DDHD2: variants seen among roughly 807,000 people sequenced by gnomAD.
DDHD2 encodes the protein DDHD domain containing 2.
DDHD2 carries 62 observed loss-of-function variants against 91.2 expected under a neutral mutation model. That is an observed-to-expected ratio of 0.68 (90% confidence interval 0.55 to 0.84). DDHD2 has a LOEUF of 0.84. Ranked by LOEUF, DDHD2 falls within the 40% of genes least tolerant of loss-of-function variation. The pLI, the probability that DDHD2 is intolerant of heterozygous loss-of-function variation, is 0.00. For synonymous variants in DDHD2, 271 were observed against 293.9 expected (o/e 0.92, Z 0.80); for missense variants, 740 against 846.9 (o/e 0.87, Z 1.57).
chr8:38,243,124 G>A (rs1805372606), intron 7 of DDHD2, among the ~76,000 whole-genome samples: 1 of 152,132 alleles, frequency 6.6e-6, no homozygotes. Context: ...GGTGGGGTCC[G>A]GATTCTTCAA....
chr8:38,253,230 G>A, intron 15 of DDHD2, 103 bp downstream of exon 15: 1 of 1,191,842 alleles, frequency 8.4e-7, no homozygotes, highest in Middle Eastern at 2.5e-4. Flanking sequence ...TAATTTCATA[G>A]TTAATATTGC....
downstream of DDHD2, chr8:38,272,406 G>A (rs1435371864): frequency 6.6e-6 from 1 of 152,224 alleles, no homozygotes; most frequent in African/African-American, 2.4e-5. Context: ...ACATTAAAGA[G>A]GTGAATCACT....
chr8:38,245,626 T>C (rs1040450615), intron 7 of DDHD2, 116 bp from the exon 8 acceptor site: 1 of 967,842 alleles, frequency 1.0e-6, no homozygotes. Context: ...CTTTTTGTTT[T>C]TTCCTATAAA....
chr8:38,269,296 G>A, intron 1 of DDHD2: 2 of 1,234,646 alleles, frequency 1.6e-6, no homozygotes, highest in Non-Finnish European at 2.1e-6. Flanking sequence ...CCAGTTGCCC[G>A]CGCTCCGGCG....
At chr8:38,242,111 G>A in intron 6 of DDHD2, 139 bp from the exon 7 acceptor site, 1 of 674,362 alleles carries the variant, frequency 1.5e-6, no homozygotes, top group South Asian at 2.4e-5. Context: ...AATTTTTCCT[G>A]AATACCACTT....
intron 10 of DDHD2, among the ~76,000 whole-genome samples, chr8:38,248,422 C>G (rs964451897): frequency 6.8e-6 from 1 of 147,552 alleles, no homozygotes; most frequent in African/African-American, 2.5e-5. Flanking sequence ...GTTTGTGATA[C>G]ATTCACTCAT....
At chr8:38,263,306 A>G, downstream of DDHD2, 1 of 824,020 alleles carries the variant, frequency 1.2e-6, no homozygotes, top group Non-Finnish European at 1.5e-6. Context: ...TCCATTGTGA[A>G]GAAGGGGCAG....
chr8:38,236,539 G>A (rs1804770463), intron 3 of DDHD2, among the ~76,000 whole-genome samples: 2 of 149,292 alleles, frequency 1.3e-5, no homozygotes, highest in Admixed American at 6.7e-5. Context: ...TTTTGAGACG[G>A]AGTTCCACTC....
At position 38,238,538 on chromosome 8, in the gene DDHD2, T is replaced by C. The variant is rs573317514; in HGVS notation, c.622+329T>C. ...ATTTATACCTGGTAATAACTCCTTGTCCTTGAAGATTTTCAACTAAGGAAA... is the reference window on the plus strand; with the variant it reads ...ATTTATACCTGGTAATAACTCCTTGCCCTTGAAGATTTTCAACTAAGGAAA... On this transcript the variant is annotated intron_variant, in intron 5 of 17. Transcript: ENST00000397166. 7 of 1,058,110 alleles carry C rather than the reference T, an allele frequency of 6.6e-6. No homozygotes were observed. In the South Asian group the frequency reaches 2.2e-4, roughly 33 times the overall value. The allele number at this position is 1,058,110 out of a possible 1,614,324, so 65.5% of individuals were successfully genotyped here. A position where few individuals can be genotyped will look rare whatever the true frequency, so the allele number is the denominator to read the frequency against.
intron 10 of DDHD2, 57 bp from the exon 11 acceptor site, chr8:38,249,651 G>C: frequency 7.9e-7 from 1 of 1,272,904 alleles, no homozygotes; most frequent in Middle Eastern, 2.6e-4. Flanking sequence ...CCTCTTAGGG[G>C]ACAGGATTGA....
intron 16 of DDHD2, among the ~76,000 whole-genome samples, chr8:38,257,986 A>T (rs1032469805): frequency 1.8e-4 from 27 of 151,680 alleles, no homozygotes; most frequent in Non-Finnish European, 2.9e-4. Flanking sequence ...TATATATATA[A>T]TTTTTTTTAG....
At chr8:38,234,644 T>C in intron 3 of DDHD2, 60 bp downstream of exon 3, 1 of 1,379,416 alleles carries the variant, frequency 7.2e-7, no homozygotes, top group Middle Eastern at 2.1e-4. Flanking sequence ...AATCTTTTCT[T>C]TCCTTTGTAA....
At chr8:38,252,573 T>C in intron 13 of DDHD2, 149 bp from the exon 14 acceptor site, 1 of 683,936 alleles carries the variant, frequency 1.5e-6, no homozygotes, top group Non-Finnish European at 2.4e-6. Flanking sequence ...GCCTAGGAGT[T>C]GAAGGCTACA....
intron 7 of DDHD2, among the ~76,000 whole-genome samples, chr8:38,243,221 G>T (rs964224049): frequency 1.3e-5 from 2 of 152,142 alleles, no homozygotes; most frequent in African/African-American, 2.4e-5. Flanking sequence ...ATCTTTCTGG[G>T]AATTTTAAGA....
chr8:38,266,459 G>A, downstream of DDHD2: 1 of 743,960 alleles, frequency 1.3e-6, no homozygotes, highest in Non-Finnish European at 2.1e-6. Context: ...GGAGTGCAGT[G>A]GCACCATCTC....
Position 38,261,370 on chromosome 8 carries a change from C to G in DDHD2, c.*797C>G, listed in dbSNP as rs746112497. 2.0e-5 allele frequency: 3 copies of G among 152,158 alleles called. No homozygotes were observed. Among genetic ancestry groups the G allele is most frequent in the Non-Finnish European group, 2.9e-5 (2 of 68,040 alleles). 9.4% of individuals were successfully genotyped at this position (152,158 alleles called of 1,614,324 possible). ...TATTTGCTAATAGCTTCTATTCTTA[C>G]GTTGAAAATAGTTGTAAAAGCTGAT... On this transcript the variant is annotated 3_prime_UTR_variant, in exon 18 of 18. Coordinates refer to ENST00000397166, the MANE Select transcript of DDHD2 (RefSeq NM_015214.3).
chr8:38,269,100 C>G (rs1277226314), intron 1 of DDHD2: 2 of 1,525,778 alleles, frequency 1.3e-6, no homozygotes, highest in Non-Finnish European at 8.8e-7. Flanking sequence ...CGGGGCCGCC[C>G]GGGCCCGGCC....
rs999485972 is a variant in DDHD2 at position 38,269,373 on chromosome 8, G to A, written n.88-1749G>A. Reference sequence around the variant, plus strand: ...GTCTGGCAAAGGGTACGCAAAGCCAGCGGAGCTGCCCTCTGGTGCGTTCAG... The same window carrying A: ...GTCTGGCAAAGGGTACGCAAAGCCAACGGAGCTGCCCTCTGGTGCGTTCAG... On this transcript the variant is annotated intron_variant and non_coding_transcript_variant, in intron 1 of 1. Transcript: ENST00000526071. 198 of 656,142 alleles carry A rather than the reference G, an allele frequency of 3.0e-4. 2 individuals are homozygous for A. The Middle Eastern group carries it at 6.1e-3, about 20-fold the overall frequency. 40.6% of individuals were successfully genotyped at this position (656,142 alleles called of 1,614,324 possible).
chr8:38,264,451 TC>T, downstream of DDHD2: 1 of 1,547,370 alleles, frequency 6.5e-7, no homozygotes, highest in Non-Finnish European at 8.7e-7. Context: ...TTTTTAAATA[TC>T]AAAACAATAA....
Sources: allele counts gnomAD v4.1 joint callset (sites outside exome capture counted in the v4.1 genomes callset), GRCh38; gene constraint gnomAD v4.1.1; transcripts MANE v1.5; gene names NCBI Gene and HGNC (gene_info 2026-07-23, HGNC 2026-07-21).